The following RASGRP1 variants were observed in gnomAD, a reference collection of about 807,000 sequenced individuals.
The protein encoded by RASGRP1 is RAS guanyl-releasing protein 1.
A neutral mutation model predicts 95.1 loss-of-function variants in RASGRP1; 37 were observed. The observed-to-expected ratio is 0.39, with a 90% CI of 0.30 to 0.51. RASGRP1 has a LOEUF of 0.51. Among genes scored for constraint, RASGRP1 ranks in the 20% least tolerant of loss-of-function variants. RASGRP1 has a pLI of 0.80. For synonymous variants in RASGRP1, 325 were observed against 353.4 expected (o/e 0.92, Z 0.90); for missense variants, 711 against 965.4 (o/e 0.74, Z 3.49).
chr15:38,505,731 C>T (rs1891229424), intron 10 of RASGRP1, 109 bp downstream of exon 10: 2 of 841,908 alleles, frequency 2.4e-6, no homozygotes, highest in East Asian at 2.7e-5. Flanking sequence ...CTAAGAAAAA[C>T]AGTACATGTA....
intron 2 of RASGRP1, among the ~76,000 whole-genome samples, chr15:38,541,372 C>A (rs1034263455): frequency 6.6e-6 from 1 of 152,116 alleles, no homozygotes; most frequent in Non-Finnish European, 1.5e-5. Context: ...GGGAGGATCA[C>A]CTGAGCTCAG....
chr15:38,560,015 G>A lies in RASGRP1; in HGVS notation c.36-10C>T. On this transcript the variant is annotated splice_polypyrimidine_tract_variant and intron_variant, in intron 1 of 16. Transcript: ENST00000310803. ...GCCATGGGAAGGTTTCCTGGGGAAA[G>A]AGAGAAGGCAGTGAGGGGACAAACG... 1.2e-6 allele frequency: 2 copies of A among 1,606,752 alleles called. No individual in the cohort carries two copies. The highest frequency in any genetic ancestry group is 1.7e-6 in the Non-Finnish European group (2 of 1,175,480).
rs1051127356 is a variant in RASGRP1, at chr15:38,564,532, AG to A, written c.35+61del. 5 of 1,276,128 alleles carry A rather than the reference AG, an allele frequency of 3.9e-6. No individual in the cohort carries two copies. The African/African-American group carries it at 6.2e-5, about 16-fold the overall frequency. The allele number at this position is 1,276,128 out of a possible 1,614,324, so 79.1% of individuals were successfully genotyped here. A position where few individuals can be genotyped will look rare whatever the true frequency, so the allele number is the denominator to read the frequency against. On this transcript the variant is annotated intron_variant, in intron 1 of 16. Coordinates refer to ENST00000310803, the MANE Select transcript of RASGRP1 (RefSeq NM_005739.4). ...CCCTCGGGGTGTTGGGGCGACGGGC[AG>A]GGGCCTCTTTCCCAAGAAAGGACAC...
chr15:38,549,022 C>T (rs954728113), intron 2 of RASGRP1, among the ~76,000 whole-genome samples: 2 of 152,148 alleles, frequency 1.3e-5, no homozygotes, highest in African/African-American at 4.8e-5. Context: ...CATCCATTCC[C>T]GAGAGCAAGT....
At chr15:38,537,746 C>G (rs1420811288) in intron 2 of RASGRP1, among the ~76,000 whole-genome samples, 1 of 152,176 alleles carries the variant, frequency 6.6e-6, no homozygotes, top group African/African-American at 2.4e-5. Context: ...GGAACAACAT[C>G]CCAACTATAT....
chr15:38,533,421 C>T (rs1270351401), intron 2 of RASGRP1, among the ~76,000 whole-genome samples: 1 of 152,106 alleles, frequency 6.6e-6, no homozygotes, highest in Non-Finnish European at 1.5e-5. Flanking sequence ...GAAGTAAAAC[C>T]TATTTGTCAG....
intron 13 of RASGRP1, 50 bp downstream of exon 13, chr15:38,501,093 C>T: frequency 2.0e-6 from 3 of 1,532,968 alleles, no homozygotes; most frequent in East Asian, 2.2e-5. Flanking sequence ...CTTAAAGTAT[C>T]CCACACTCTT....
intron 2 of RASGRP1, among the ~76,000 whole-genome samples, chr15:38,542,059 C>T (rs1048666006): frequency 6.6e-6 from 1 of 152,080 alleles, no homozygotes; most frequent in African/African-American, 2.4e-5. Context: ...GCAGCTTACC[C>T]ATTAGGTGCC....
At chr15:38,533,974 T>G (rs1892541036) in intron 2 of RASGRP1, among the ~76,000 whole-genome samples, 1 of 152,214 alleles carries the variant, frequency 6.6e-6, no homozygotes, top group Non-Finnish European at 1.5e-5. Context: ...AGGACAGGTG[T>G]GGGCCACCTC....
chr15:38,489,944 G>A lies in RASGRP1; in HGVS notation c.*610C>T, dbSNP rs968070445. ...CAATTGGATAACGTCATGTTTAATA[G>A]GCCTCTAAAAAGTTGTGGCTACATC... On this transcript the variant is annotated 3_prime_UTR_variant, in exon 17 of 17. Coordinates refer to ENST00000310803, the MANE Select transcript of RASGRP1 (RefSeq NM_005739.4). The A allele has an allele frequency of 4.6e-5, 7 of 152,362 alleles. No homozygotes were observed. Among genetic ancestry groups the A allele is most frequent in the African/African-American group, 1.7e-4 (7 of 41,380 alleles). The allele number at this position is 152,362 out of a possible 1,614,324, so 9.4% of individuals were successfully genotyped here.
At position 38,526,087 on chromosome 15, in the gene RASGRP1, A is replaced by G. The variant is rs1191613360; in HGVS notation, c.326+212T>C. Among the ~76,000 whole-genome samples the G allele has an allele frequency of 7.2e-5, 11 of 152,218 alleles. No individual in the cohort carries two copies. In the East Asian group the frequency reaches 1.7e-3, roughly 24 times the overall value. ...ATATTGATTTCTTTGACCACCCCCC[A>G]GAGCAATCAGCATCAATAACATTGC... On this transcript the variant is annotated intron_variant, in intron 3 of 16. Transcript: ENST00000310803.
intron 15 of RASGRP1, among the ~76,000 whole-genome samples, chr15:38,495,163 A>G (rs955529546): frequency 6.6e-6 from 1 of 152,216 alleles, no homozygotes; most frequent in African/African-American, 2.4e-5. Context: ...CTCCACATTC[A>G]TGTCTCAGTC....
At chr15:38,511,507 G>T in intron 8 of RASGRP1, 97 bp downstream of exon 8, 1 of 881,364 alleles carries the variant, frequency 1.1e-6, no homozygotes, top group Non-Finnish European at 1.9e-6. Flanking sequence ...GGGATGGTGT[G>T]GTTGGAAATG....
At chr15:38,520,226 C>T (rs968351714) in intron 3 of RASGRP1, among the ~76,000 whole-genome samples, 5 of 152,154 alleles carry the variant, frequency 3.3e-5, no homozygotes, top group Admixed American at 3.3e-4. Context: ...CCGTAAAGGC[C>T]ATGCCTTGTT....
rs1370232039 is a variant in RASGRP1 at position 38,490,405 on chromosome 15, A to G, written c.*149T>C. 5 of 764,770 alleles carry G rather than the reference A, an allele frequency of 6.5e-6. No individual in the cohort carries two copies. The highest frequency in any genetic ancestry group is 3.7e-6 in the Non-Finnish European group (2 of 538,630). 47.4% of individuals were successfully genotyped at this position (764,770 alleles called of 1,614,324 possible). On this transcript the variant is annotated 3_prime_UTR_variant, in exon 17 of 17. Transcript: ENST00000310803. Reference sequence around the variant, plus strand: ...GAGAAAACAGTGCTGCACATTAGGAATCTTTTAGGTAAATAAACAGTAACA... The same window carrying G: ...GAGAAAACAGTGCTGCACATTAGGAGTCTTTTAGGTAAATAAACAGTAACA...
At chr15:38,545,174 TG>T (rs370277996) in intron 2 of RASGRP1, among the ~76,000 whole-genome samples, 1 of 152,190 alleles carries the variant, frequency 6.6e-6, no homozygotes, top group African/African-American at 2.4e-5. Context: ...CCCACTTATT[TG>T]TCTTCTTTTC....
At chr15:38,514,594 G>T (rs936774449) in intron 6 of RASGRP1, among the ~76,000 whole-genome samples, 1 of 152,060 alleles carries the variant, frequency 6.6e-6, no homozygotes, top group African/African-American at 2.4e-5. Flanking sequence ...TGGTAAAACT[G>T]TTTAGCACTG....
intron 2 of RASGRP1, among the ~76,000 whole-genome samples, chr15:38,548,641 T>G (rs1893199612): frequency 6.6e-6 from 1 of 152,184 alleles, no homozygotes. Context: ...GGGACCTCCA[T>G]GCACTCAGCC....
intron 16 of RASGRP1, 87 bp downstream of exon 16, chr15:38,494,295 C>G (rs74009815): frequency 6.6e-7 from 1 of 1,518,186 alleles, no homozygotes; most frequent in Non-Finnish European, 9.0e-7. Context: ...TCAGCCTGAT[C>G]TGAATCTTCA....
Sources: allele counts gnomAD v4.1 joint callset (sites outside exome capture counted in the v4.1 genomes callset), GRCh38; gene constraint gnomAD v4.1.1; transcripts MANE v1.5; gene names NCBI Gene and HGNC (gene_info 2026-07-23, HGNC 2026-07-21).